Variants in ENO4 observed in about 807,000 individuals in gnomAD.
ENO4 encodes enolase 4.
Under a neutral mutation model 63.2 loss-of-function variants are expected in ENO4, and 53 were observed. That is an observed-to-expected ratio of 0.84 (90% CI 0.67 to 1.05). The LOEUF (loss-of-function observed/expected upper bound fraction) is 1.05. ENO4 is among the 50% of genes least tolerant of loss of function. ENO4 has a pLI of 0.00. For synonymous variants in ENO4, 266 were observed against 283.8 expected (o/e 0.94, Z 0.63); for missense variants, 719 against 772.0 (o/e 0.93, Z 0.81).
chr10:116,890,882 A>G (rs552029167), intron 10 of ENO4, among the ~76,000 whole-genome samples: 1 of 152,394 alleles, frequency 6.6e-6, no homozygotes, highest in Admixed American at 6.5e-5. Context: ...GTTACAAGAG[A>G]TGAAAATGCA....
At position 116,905,158 on chromosome 10, in the gene ENO4, C is replaced by G. The variant is rs986039612; in HGVS notation, c.1195-6341C>G. ...CGGAGCTTGCAGTGAGCCGAGATTG[C>G]GCCACTGCAGTCCGCAGTCCAGCCT... is the stretch of plus-strand genomic sequence containing the variant. On this transcript the variant is annotated intron_variant, in intron 10 of 10. Coordinates refer to the ENO4 transcript ENST00000369207. Among the ~76,000 whole-genome samples, 4 of 148,532 alleles carry G rather than the reference C, an allele frequency of 2.7e-5. No homozygotes were observed. The Admixed American group carries it at 2.7e-4, about 10-fold the overall frequency.
intron 10 of ENO4, among the ~76,000 whole-genome samples, chr10:116,909,025 T>A (rs957018520): frequency 6.6e-6 from 1 of 152,190 alleles, no homozygotes; most frequent in Non-Finnish European, 1.5e-5. Flanking sequence ...CCAAGACTAT[T>A]TTAGTTATCT....
chr10:116,855,856 G>A, intron 2 of ENO4, 105 bp downstream of exon 2: 7 of 1,263,552 alleles, frequency 5.5e-6, no homozygotes, highest in Non-Finnish European at 7.4e-6. Flanking sequence ...TTCAGTGTTT[G>A]TGAAATATAT....
chr10:116,890,008 C>T (rs186708632), intron 10 of ENO4, among the ~76,000 whole-genome samples: 16 of 152,256 alleles, frequency 1.1e-4, no homozygotes, highest in East Asian at 9.7e-4. Flanking sequence ...GCCACAGAGC[C>T]GCATCAGTGA....
intron 1 of ENO4, 62 bp downstream of exon 1, chr10:116,849,793 G>GCAACGCCTTGCGCCTGCGC (rs1209967550): frequency 6.9e-7 from 1 of 1,447,062 alleles, no homozygotes; most frequent in Non-Finnish European, 9.2e-7. Flanking sequence ...CCGCGCTGCG[G>GCAACGCCTTGCGCCTGCGC]CAACGCCTTG....
At chr10:116,861,622 G>A (rs1331885186) in intron 6 of ENO4, among the ~76,000 whole-genome samples, 1 of 152,178 alleles carries the variant, frequency 6.6e-6, no homozygotes, top group Non-Finnish European at 1.5e-5. Context: ...TTTGTGGAGT[G>A]AATAAATCTC....
At chr10:116,883,617 C>T (rs886312272), downstream of ENO4, 40 of 152,460 alleles carry the variant, frequency 2.6e-4, no homozygotes, top group African/African-American at 9.2e-4. Context: ...AACACACAAC[C>T]AAAAACTGGT....
chr10:116,890,359 T>C (rs914140189), intron 10 of ENO4, among the ~76,000 whole-genome samples: 4 of 152,330 alleles, frequency 2.6e-5, no homozygotes, highest in Admixed American at 6.5e-5. Flanking sequence ...GGGATCACCA[T>C]GGTGAGCTAG....
At chr10:116,906,486 A>G in intron 10 of ENO4, 1 of 729,866 alleles carries the variant, frequency 1.4e-6, no homozygotes, top group East Asian at 3.0e-5. Context: ...AAATATCTTT[A>G]CCCATCCCAT....
In ENO4 at chr10:116,878,782, G is replaced by A. The variant is rs567826952; in HGVS notation, c.1538-509G>A. ...TTTTGAGACGGAGTCTTGCTCTGTC[G>A]CCCAGAGCTGGAGTGCAGTGGCGCG... On this transcript the variant is annotated intron_variant, in intron 11 of 13. Transcript: ENST00000341276. 8.4e-3 allele frequency among the ~76,000 whole-genome samples: 1,010 copies of A among 120,376 alleles called. 8 individuals are homozygous for A. Among genetic ancestry groups the A allele is most frequent in the East Asian group, 0.062 (254 of 4,116 alleles). The allele number at this position is 120,376 out of a possible 152,430, so 79.0% of individuals were successfully genotyped here.
intron 10 of ENO4, among the ~76,000 whole-genome samples, chr10:116,891,438 G>T (rs1044374696): frequency 6.6e-6 from 1 of 152,110 alleles, no homozygotes; most frequent in Non-Finnish European, 1.5e-5. Flanking sequence ...ACAGCCGGAC[G>T]GTCTGAACTC....
chr10:116,900,659 T>A (rs575673498), intron 10 of ENO4: 1 of 1,490,214 alleles, frequency 6.7e-7, no homozygotes, highest in East Asian at 2.5e-5. Context: ...GTAGCCAGAT[T>A]GTTGATGTCA....
At position 116,878,372 on chromosome 10, in the gene ENO4, A is replaced by G. The variant is rs539429655; in HGVS notation, c.1538-919A>G. Among the ~76,000 whole-genome samples the G allele has an allele frequency of 2.6e-5, 4 of 152,346 alleles. No individual in the cohort carries two copies. The South Asian group carries it at 8.3e-4, about 32-fold the overall frequency. On this transcript the variant is annotated intron_variant, in intron 11 of 13. Transcript: ENST00000341276. ...GGTGGTAGATGATAGATAGGAGGCAATGCAAACACCGTTGCTGCAGGAAGA... is the reference window on the plus strand; with the variant it reads ...GGTGGTAGATGATAGATAGGAGGCAGTGCAAACACCGTTGCTGCAGGAAGA...
At chr10:116,892,062 CCT>C (rs1165814219) in intron 10 of ENO4, among the ~76,000 whole-genome samples, 2 of 152,234 alleles carry the variant, frequency 1.3e-5, no homozygotes, top group East Asian at 3.9e-4. Context: ...AACAAGAATT[CCT>C]TTTTAACATA....
At chr10:116,885,352 TAA>T (rs1847134280), downstream of ENO4, 1 of 152,614 alleles carries the variant, frequency 6.6e-6, no homozygotes, top group African/African-American at 2.4e-5. Flanking sequence ...AAAAGCTGCA[TAA>T]GTTTTTTTTT....
At chr10:116,866,639 C>A (rs375376469) in intron 7 of ENO4, among the ~76,000 whole-genome samples, 11 of 151,988 alleles carry the variant, frequency 7.2e-5, no homozygotes, top group African/African-American at 1.2e-4. Flanking sequence ...CATAGCGAGA[C>A]CTTGTCTCCA....
intron 10 of ENO4, among the ~76,000 whole-genome samples, chr10:116,888,164 G>A (rs1192599832): frequency 6.6e-6 from 1 of 152,214 alleles, no homozygotes; most frequent in African/African-American, 2.4e-5. Context: ...CTGTGCTGTA[G>A]TGAGGACAGA....
chr10:116,856,138 T>A (rs1286630337), intron 2 of ENO4, among the ~76,000 whole-genome samples: 1 of 152,222 alleles, frequency 6.6e-6, no homozygotes, highest in Non-Finnish European at 1.5e-5. Flanking sequence ...TTTAATAATT[T>A]TAACAATTCG....
At chr10:116,888,809 G>A (rs1229061183) in intron 10 of ENO4, among the ~76,000 whole-genome samples, 1 of 152,228 alleles carries the variant, frequency 6.6e-6, no homozygotes, top group African/African-American at 2.4e-5. Flanking sequence ...ATTTTTTTAA[G>A]ACAACTACTT....
Sources: allele counts gnomAD v4.1 joint callset (sites outside exome capture counted in the v4.1 genomes callset), GRCh38; gene constraint gnomAD v4.1.1; transcripts MANE v1.5; gene names NCBI Gene and HGNC (gene_info 2026-07-23, HGNC 2026-07-21).